CUBN: variants seen among roughly 807,000 people sequenced by gnomAD.
CUBN encodes the protein cubilin, also known as 460 kDa receptor.
In CUBN, 282 loss-of-function variants were observed where a neutral mutation model predicts 405.3. The ratio of observed to expected loss-of-function variants is 0.70; its 90% CI spans 0.63 to 0.77. The LOEUF (loss-of-function observed/expected upper bound fraction) is 0.77, where lower values mean the gene tolerates loss of function less well. CUBN is among the 30% of genes least tolerant of loss of function. CUBN has a pLI of 0.00. For missense variants in CUBN, 4,514 were observed against 4,475.2 expected (o/e 1.01, Z -0.25); for synonymous variants, 1,684 against 1,617.0 (o/e 1.04, Z -0.99).
chr10:17,044,012 G>A, intron 25 of CUBN, 29 bp from the exon 26 acceptor site: 1 of 1,591,882 alleles, frequency 6.3e-7, no homozygotes, highest in South Asian at 1.1e-5. Flanking sequence ...AATGTTAGAT[G>A]GTTGAGACTA....
intron 4 of CUBN, among the ~76,000 whole-genome samples, chr10:17,125,944 A>G (rs1484801708): frequency 1.3e-5 from 2 of 152,222 alleles, no homozygotes; most frequent in African/African-American, 2.4e-5. Flanking sequence ...TCAAATGACA[A>G]AAAGGTTTGC....
At chr10:16,930,084 G>A (rs1179593617) in intron 40 of CUBN, among the ~76,000 whole-genome samples, 2 of 152,152 alleles carry the variant, frequency 1.3e-5, no homozygotes, top group African/African-American at 4.8e-5. Context: ...CATATAGATT[G>A]CAGAAAGATT....
At chr10:17,081,726 A>G (rs529953889) in intron 17 of CUBN, among the ~76,000 whole-genome samples, 2 of 152,202 alleles carry the variant, frequency 1.3e-5, no homozygotes, top group Non-Finnish European at 2.9e-5. Context: ...CTTTAACCAA[A>G]GTCAATGTAC....
rs1334130521 is a variant in CUBN, at chr10:17,084,379, G to C, written c.2193C>G (p.Thr731=). ...LPELSGPFTH[T]RQCVYMMKQP... ...GCTTCATCATATAGACGCATTGCCT[G>C]GTGTGAGTGAAAGGCCCAGACAACT... Residue 731 remains threonine, a synonymous_variant, in exon 17 of 67, where the codon ACC becomes ACG. Coordinates refer to ENST00000377833, the MANE Select transcript of CUBN (RefSeq NM_001081.4). 1.2e-6 allele frequency: 2 copies of C among 1,614,094 alleles called. No individual in the cohort carries two copies. The highest frequency in any genetic ancestry group is 1.7e-6 in the Non-Finnish European group (2 of 1,180,012).
Position 16,824,019 on chromosome 10 carries a change from T to A in CUBN, c.*956A>T, listed in dbSNP as rs1486351781. On this transcript the variant is annotated 3_prime_UTR_variant, in exon 67 of 67. Coordinates refer to ENST00000377833, the MANE Select transcript of CUBN (RefSeq NM_001081.4). ...GTGTAATTGAACATTCACAGGAAATTTATGCTTCTATATTATCATTAACTT... is the reference window on the plus strand; with the variant it reads ...GTGTAATTGAACATTCACAGGAAATATATGCTTCTATATTATCATTAACTT... 6.6e-6 allele frequency: 1 copy of A among 152,176 alleles called. No homozygotes were observed. Among genetic ancestry groups the A allele is most frequent in the African/African-American group, 2.4e-5 (1 of 41,440 alleles). 9.4% of individuals were successfully genotyped at this position (152,176 alleles called of 1,614,324 possible).
intron 3 of CUBN, among the ~76,000 whole-genome samples, chr10:17,127,208 T>A (rs1423752153): frequency 1.4e-5 from 2 of 143,776 alleles, no homozygotes; most frequent in African/African-American, 5.2e-5. Flanking sequence ...CACTCTGTCT[T>A]TCTTTCTCTC....
At chr10:16,977,386 G>T (rs1049217606) in intron 31 of CUBN, among the ~76,000 whole-genome samples, 12 of 152,180 alleles carry the variant, frequency 7.9e-5, no homozygotes, top group African/African-American at 2.9e-4. Flanking sequence ...AGGAGCAGAA[G>T]AGCAGTACAG....
Position 16,938,982 on chromosome 10 carries a change from C to T in CUBN, c.5714G>A (p.Cys1905Tyr), listed in dbSNP as rs1187163064. The T allele has an allele frequency of 6.2e-7, 1 of 1,613,356 alleles. No homozygotes were observed. Among genetic ancestry groups the T allele is most frequent in the Non-Finnish European group, 8.5e-7 (1 of 1,179,640 alleles). Residue 1905 changes from cysteine (C) to tyrosine (Y), a missense_variant, in exon 38 of 67, where the codon TGC (cysteine) becomes TAC (tyrosine). Coordinates refer to ENST00000377833, the MANE Select transcript of CUBN (RefSeq NM_001081.4). ...ACTCACCCTTAATTTGTCATAATAG[C>T]AGTTTTGTATTTCTTCTATGTCCAT... The part of the protein sequence containing the change: ...LEMDIEEIQN[C>Y]YYDKLRIYDG...
At chr10:16,952,715 G>A (rs1325147473) in intron 32 of CUBN, among the ~76,000 whole-genome samples, 1 of 152,100 alleles carries the variant, frequency 6.6e-6, no homozygotes, top group Non-Finnish European at 1.5e-5. Context: ...ATAGGCATAG[G>A]GATAATCTGC....
At chr10:16,926,056 T>C (rs948527106) in intron 41 of CUBN, among the ~76,000 whole-genome samples, 1 of 152,084 alleles carries the variant, frequency 6.6e-6, no homozygotes, top group African/African-American at 2.4e-5. Context: ...AGACATACAA[T>C]AAACAAATAC....
chr10:16,924,852 A>G, intron 43 of CUBN, among the ~76,000 whole-genome samples: 1 of 152,200 alleles, frequency 6.6e-6, no homozygotes, highest in East Asian at 1.9e-4. Flanking sequence ...AAATTATTAC[A>G]AAATAAGGCA....
intron 65 of CUBN, among the ~76,000 whole-genome samples, chr10:16,829,958 C>T (rs1180890247): frequency 6.2e-5 from 9 of 145,658 alleles, no homozygotes; most frequent in African/African-American, 1.5e-4. Context: ...TTTTTTGAGA[C>T]GGAGTCTTGC....
At chr10:16,896,937 A>G (rs151317828) in intron 54 of CUBN, among the ~76,000 whole-genome samples, 2 of 152,058 alleles carry the variant, frequency 1.3e-5, no homozygotes, top group African/African-American at 4.8e-5. Flanking sequence ...TGTCATCTCC[A>G]TGCTACTATT....
chr10:16,890,784 C>T (rs1176604998), intron 54 of CUBN, among the ~76,000 whole-genome samples: 1 of 152,000 alleles, frequency 6.6e-6, no homozygotes, highest in Non-Finnish European at 1.5e-5. Context: ...TTTTAAAAAT[C>T]CACCTTCCTG....
At chr10:17,112,758 G>A (rs71472850) in intron 8 of CUBN, among the ~76,000 whole-genome samples, 23,002 of 151,826 alleles carry the variant, frequency 0.15, 2,008 homozygotes, top group Middle Eastern at 0.3. Context: ...GGTGTGTGGG[G>A]TTTCTTGGCG....
intron 32 of CUBN, 57 bp from the exon 33 acceptor site, chr10:16,952,446 A>T: frequency 9.6e-7 from 1 of 1,037,768 alleles, no homozygotes; most frequent in South Asian, 1.3e-5. Flanking sequence ...TACTGACCGT[A>T]CAAAACAATT....
chr10:17,082,681 C>A (rs1375781078), intron 17 of CUBN, among the ~76,000 whole-genome samples: 2 of 152,182 alleles, frequency 1.3e-5, no homozygotes, highest in Admixed American at 6.5e-5. Context: ...ATTCACAAGA[C>A]CTTCCTCCCT....
At chr10:16,854,714 T>A (rs981678651) in intron 59 of CUBN, among the ~76,000 whole-genome samples, 2 of 152,210 alleles carry the variant, frequency 1.3e-5, no homozygotes, top group East Asian at 1.9e-4. Flanking sequence ...TACTAATAAG[T>A]TCATAAGGGC....
intron 59 of CUBN, among the ~76,000 whole-genome samples, chr10:16,868,437 T>G (rs1034509497): frequency 6.6e-6 from 1 of 152,198 alleles, no homozygotes; most frequent in South Asian, 2.1e-4. Flanking sequence ...GAAAACTGCC[T>G]GGATTTTTCT....
Sources: allele counts gnomAD v4.1 joint callset (sites outside exome capture counted in the v4.1 genomes callset), GRCh38; gene constraint gnomAD v4.1.1; transcripts MANE v1.5; gene names NCBI Gene and HGNC (gene_info 2026-07-23, HGNC 2026-07-21).